MDGA2: variants seen among roughly 807,000 people sequenced by gnomAD.
The protein encoded by MDGA2 is MAM domain containing glycosylphosphatidylinositol anchor 2.
MDGA2 carries 40 observed loss-of-function variants against 117.8 expected under a neutral mutation model. That is an observed-to-expected ratio of 0.34 (90% CI 0.26 to 0.44). The LOEUF (loss-of-function observed/expected upper bound fraction) is 0.44, where lower values mean the gene tolerates loss of function less well. Ranked by LOEUF, MDGA2 falls within the 20% of genes least tolerant of loss-of-function variation. MDGA2 has a pLI of 1.00. For missense variants in MDGA2, 1,123 were observed against 1,250.6 expected, an observed-to-expected ratio of 0.90 and a Z score of 1.54; for synonymous variants, 452 against 439.0, an observed-to-expected ratio of 1.03 and a Z score of -0.37.
intron 1 of MDGA2, among the ~76,000 whole-genome samples, chr14:47,614,786 A>G (rs1896919465): frequency 6.6e-6 from 1 of 152,200 alleles, no homozygotes. Flanking sequence ...GTTAAGGTAC[A>G]TGTTTCCAGG....
At chr14:47,445,570 G>A (rs773115326) in intron 1 of MDGA2, among the ~76,000 whole-genome samples, 1 of 151,660 alleles carries the variant, frequency 6.6e-6, no homozygotes, top group Non-Finnish European at 1.5e-5. Flanking sequence ...AACTTCCTTT[G>A]TTATTAGGTG....
intron 9 of MDGA2, among the ~76,000 whole-genome samples, chr14:46,929,737 A>C (rs1884494879): frequency 7.0e-6 from 1 of 142,792 alleles, no homozygotes; most frequent in African/African-American, 2.6e-5. Flanking sequence ...TGCAACATCC[A>C]CCTTCCAGAT....
chr14:47,354,966 C>G (rs533642667), intron 1 of MDGA2, among the ~76,000 whole-genome samples: 38 of 152,180 alleles, frequency 2.5e-4, no homozygotes, highest in African/African-American at 9.2e-4. Flanking sequence ...CCTTGACAGG[C>G]TGGGAAAATT....
intron 10 of MDGA2, among the ~76,000 whole-genome samples, chr14:46,892,055 G>A (rs1416052080): frequency 6.6e-6 from 1 of 151,498 alleles, no homozygotes; most frequent in Admixed American, 6.6e-5. Context: ...TAACATACAA[G>A]TGACAACTTT....
intron 5 of MDGA2, among the ~76,000 whole-genome samples, chr14:47,105,970 AC>A (rs1880646301): frequency 3.8e-3 from 4 of 1,058 alleles, no homozygotes; most frequent in East Asian, 0.5. Context: ...TCGTTCCGTG[AC>A]TAGCCGACTA....
At chr14:47,042,773 G>T (rs753029036) in intron 7 of MDGA2, among the ~76,000 whole-genome samples, 1 of 152,092 alleles carries the variant, frequency 6.6e-6, no homozygotes, top group Non-Finnish European at 1.5e-5. Flanking sequence ...TATGCTTGTT[G>T]TAACTCCACT....
intron 15 of MDGA2, among the ~76,000 whole-genome samples, chr14:46,854,282 TA>T (rs1164098539): frequency 6.6e-6 from 1 of 151,754 alleles, no homozygotes; most frequent in Non-Finnish European, 1.5e-5. Flanking sequence ...CTGTATAAGA[TA>T]TATGTCATAG....
chr14:47,258,414 C>A (rs1285723693), intron 2 of MDGA2, among the ~76,000 whole-genome samples: 1 of 151,878 alleles, frequency 6.6e-6, no homozygotes, highest in Non-Finnish European at 1.5e-5. Flanking sequence ...GGGGGAGATG[C>A]TACACACTTT....
At chr14:47,255,147 C>G (rs185549772) in intron 2 of MDGA2, among the ~76,000 whole-genome samples, 1 of 152,034 alleles carries the variant, frequency 6.6e-6, no homozygotes, top group Non-Finnish European at 1.5e-5. Context: ...TTTAATTTTG[C>G]AAGAAAACAG....
In MDGA2 at chr14:47,071,361, G is replaced by C. The variant is rs539224554; in HGVS notation, c.1196-9783C>G. Among the ~76,000 whole-genome samples, 3 of 152,056 alleles carry C rather than the reference G, an allele frequency of 2.0e-5. 1 individual carries two copies. The highest frequency in any genetic ancestry group is 7.2e-5 in the African/African-American group (3 of 41,492). ...CACAAAACAAAGATCCGGATGTGTTGGTTAATTAAAAGATGGCAGGGTGCT... is the reference window on the plus strand; with the variant it reads ...CACAAAACAAAGATCCGGATGTGTTCGTTAATTAAAAGATGGCAGGGTGCT... On this transcript the variant is annotated intron_variant, in intron 6 of 16. Transcript: ENST00000399232.
chr14:47,260,000 G>C (rs1174588327), intron 2 of MDGA2, among the ~76,000 whole-genome samples: 1 of 152,038 alleles, frequency 6.6e-6, no homozygotes, highest in Non-Finnish European at 1.5e-5. Context: ...TTTGAAGCTG[G>C]GGGCGGATGG....
intron 1 of MDGA2, among the ~76,000 whole-genome samples, chr14:47,396,897 G>C (rs1892023526): frequency 6.6e-6 from 1 of 152,156 alleles, no homozygotes; most frequent in Admixed American, 6.5e-5. Flanking sequence ...GTGTTAATTA[G>C]TTCAACCATT....
chr14:47,403,510 G>A (rs7494685), intron 1 of MDGA2, among the ~76,000 whole-genome samples: 39,880 of 151,934 alleles, frequency 0.26, 5,567 homozygotes, highest in Middle Eastern at 0.41. Flanking sequence ...GGTGCTGTCC[G>A]TTAAACTGAC....
At position 47,113,083 on chromosome 14, in the gene MDGA2, C is replaced by G. The variant is rs73248031; in HGVS notation, c.926-15960G>C. On this transcript the variant is annotated intron_variant, in intron 5 of 16. Transcript: ENST00000399232. Reference sequence around the variant, plus strand: ...TTCATGTCCTTTGCTAACTTTTTAACGGGAATATTTTTCTCTTATAAATTT... The same window carrying G: ...TTCATGTCCTTTGCTAACTTTTTAAGGGGAATATTTTTCTCTTATAAATTT... Among the ~76,000 whole-genome samples the G allele has an allele frequency of 4.6e-5, 7 of 152,028 alleles. 1 individual carries two copies. Among genetic ancestry groups the G allele is most frequent in the African/African-American group, 9.6e-5 (4 of 41,488 alleles).
chr14:47,282,725 A>T (rs1487346637), intron 2 of MDGA2, among the ~76,000 whole-genome samples: 3 of 151,386 alleles, frequency 2.0e-5, no homozygotes, highest in Admixed American at 2.0e-4. Flanking sequence ...CAAAAAACAA[A>T]AAACAGGTAA....
intron 1 of MDGA2, among the ~76,000 whole-genome samples, chr14:47,406,556 T>C (rs905029433): frequency 1.3e-5 from 2 of 152,032 alleles, no homozygotes; most frequent in Admixed American, 1.3e-4. Flanking sequence ...TTACATCCTA[T>C]TAATTTTCTC....
chr14:47,533,013 C>T (rs560461212), intron 1 of MDGA2, among the ~76,000 whole-genome samples: 18 of 152,342 alleles, frequency 1.2e-4, no homozygotes, highest in African/African-American at 4.1e-4. Flanking sequence ...CATATTACAG[C>T]TCCGTTGAAG....
chr14:46,909,887 A>G (rs1883633549), intron 10 of MDGA2, among the ~76,000 whole-genome samples: 1 of 152,148 alleles, frequency 6.6e-6, no homozygotes, highest in African/African-American at 2.4e-5. Context: ...TAAGATCTGT[A>G]GAACACAAAA....
intron 1 of MDGA2, among the ~76,000 whole-genome samples, chr14:47,637,001 T>C (rs181824879): frequency 6.6e-6 from 1 of 151,914 alleles, no homozygotes; most frequent in African/African-American, 2.4e-5. Context: ...AATGAATAAA[T>C]GTATGCATAT....
Sources: allele counts gnomAD v4.1 joint callset (sites outside exome capture counted in the v4.1 genomes callset), GRCh38; gene constraint gnomAD v4.1.1; transcripts MANE v1.5; gene names NCBI Gene and HGNC (gene_info 2026-07-23, HGNC 2026-07-21).